The following CENPP variants were observed in gnomAD, a reference collection of about 807,000 sequenced individuals.
CENPP encodes the protein centromere protein P.
In CENPP, 24 loss-of-function variants were observed where a neutral mutation model predicts 35.6. That is an observed-to-expected ratio of 0.67 (90% CI 0.49 to 0.95). The LOEUF is 0.95. Among genes scored for constraint, CENPP ranks in the 40% least tolerant of loss-of-function variants. The probability of loss-of-function intolerance (pLI) is 0.00; values close to 1 mark genes in which losing one functional copy is unlikely to be tolerated. For synonymous variants in CENPP, 120 were observed against 125.5 expected (o/e 0.96, Z 0.29); for missense variants, 332 against 345.3 (o/e 0.96, Z 0.31).
intron 5 of CENPP, among the ~76,000 whole-genome samples, chr9:92,440,763 A>T (rs1375380736): frequency 6.6e-6 from 1 of 152,230 alleles, no homozygotes; most frequent in East Asian, 1.9e-4. Flanking sequence ...ACGTGAACAG[A>T]AATGTGTTTT....
intron 5 of CENPP, among the ~76,000 whole-genome samples, chr9:92,462,885 G>A (rs992545597): frequency 3.3e-5 from 5 of 152,186 alleles, no homozygotes; most frequent in African/African-American, 1.2e-4. Flanking sequence ...AAAAATAGCT[G>A]GTGCAACGTG....
At chr9:92,567,257 G>A (rs571731747) in intron 5 of CENPP, among the ~76,000 whole-genome samples, 3 of 151,744 alleles carry the variant, frequency 2.0e-5, no homozygotes, top group Non-Finnish European at 4.4e-5. Flanking sequence ...AGCTTGTATT[G>A]TAACAACTGT....
At chr9:92,346,276 C>T (rs1841292638) in intron 4 of CENPP, among the ~76,000 whole-genome samples, 1 of 152,088 alleles carries the variant, frequency 6.6e-6, no homozygotes, top group South Asian at 2.1e-4. Context: ...GTCCTCCTGC[C>T]TTAGCCTCCC....
Position 92,619,381 on chromosome 9 carries a change from TG to T in CENPP, c.*6234del. 1.1e-6 allele frequency: 1 copy of T among 883,390 alleles called. No individual in the cohort carries two copies. Among genetic ancestry groups the T allele is most frequent in the Non-Finnish European group, 1.8e-6 (1 of 548,094 alleles). The allele number at this position is 883,390 out of a possible 1,614,324, so 54.7% of individuals were successfully genotyped here. On this transcript the variant is annotated 3_prime_UTR_variant, in exon 8 of 8. Coordinates refer to ENST00000375587, the MANE Select transcript of CENPP (RefSeq NM_001012267.3). ...CCAAGGAAGTTATGTCACTCCGCCA[TG>T]GAGTCTCTAAATATGGGGAAACCAA...
intron 5 of CENPP, chr9:92,496,193 A>G: frequency 7.1e-7 from 1 of 1,407,736 alleles, no homozygotes; most frequent in African/African-American, 1.5e-5. Context: ...TTAGTGAATC[A>G]GGTTGACTAG....
chr9:92,547,653 AG>A (rs148077035), intron 5 of CENPP, among the ~76,000 whole-genome samples: 354 of 152,362 alleles, frequency 2.3e-3, no homozygotes, highest in African/African-American at 8.3e-3. Flanking sequence ...CCTGAAATGA[AG>A]GGGGTAAGAA....
chr9:92,540,461 A>G (rs894783631), intron 5 of CENPP, among the ~76,000 whole-genome samples: 2 of 150,592 alleles, frequency 1.3e-5, no homozygotes, highest in Admixed American at 6.6e-5. Flanking sequence ...ATGAGATCAC[A>G]TATAAAAACA....
At chr9:92,457,274 C>T (rs545140869) in intron 5 of CENPP, 2 of 1,610,276 alleles carry the variant, frequency 1.2e-6, no homozygotes, top group Admixed American at 3.3e-5. Flanking sequence ...ATGGACATTA[C>T]CAATTACTAA....
At chr9:92,542,365 G>A (rs7864575) in intron 5 of CENPP, among the ~76,000 whole-genome samples, 57,551 of 151,920 alleles carry the variant, frequency 0.38, 13,549 homozygotes, top group African/African-American at 0.66. Context: ...CTGTTGTTTC[G>A]TTTACTGTGT....
At chr9:92,567,643 A>G (rs1850028167) in intron 5 of CENPP, among the ~76,000 whole-genome samples, 1 of 152,094 alleles carries the variant, frequency 6.6e-6, no homozygotes, top group Admixed American at 6.6e-5. Flanking sequence ...ACATAATTTA[A>G]GAAACTAATG....
Position 92,615,864 on chromosome 9 carries a change from C to T in CENPP, c.*2715C>T, listed in dbSNP as rs764998921. 1.5e-5 allele frequency: 25 copies of T among 1,613,996 alleles called. No homozygotes were observed. Among genetic ancestry groups the T allele is most frequent in the South Asian group, 1.5e-4 (14 of 91,080 alleles). On this transcript the variant is annotated 3_prime_UTR_variant, in exon 8 of 8. Coordinates refer to ENST00000375587, the MANE Select transcript of CENPP (RefSeq NM_001012267.3). ...TTGTGGAGAACTAATGTGCAATCTT[C>T]GCTTTCCTTGAACCGAGTCGACATC...
intron 5 of CENPP, among the ~76,000 whole-genome samples, chr9:92,595,294 T>C (rs1173263701): frequency 6.6e-6 from 1 of 152,180 alleles, no homozygotes; most frequent in East Asian, 1.9e-4. Flanking sequence ...CAGGCTAGAG[T>C]GCATTGGCAC....
chr9:92,372,099 C>CTTTTTTTTTTTTTTTTTTTTT lies in CENPP; in HGVS notation c.468-7652_468-7632dup, dbSNP rs71362382. Among the ~76,000 whole-genome samples the CTTTTTTTTTTTTTTTTTTTTT allele has an allele frequency of 1.2e-3, 38 of 30,684 alleles. 1 individual carries two copies. Among genetic ancestry groups the CTTTTTTTTTTTTTTTTTTTTT allele is most frequent in the East Asian group, 4.7e-3 (3 of 642 alleles). The allele number at this position is 30,684 out of a possible 152,430, so 20.1% of individuals were successfully genotyped here. The stretch of plus-strand genomic sequence containing the variant: ...AGGTGTAAGCCACCATGCCAGCCAT[C>CTTTTTTTTTTTTTTTTTTTTT]TTTTTTTTTTTTTTTTTTTTTTTTT... On this transcript the variant is annotated intron_variant, in intron 4 of 7. Transcript: ENST00000375587.
chr9:92,474,678 T>C (rs756130551), intron 5 of CENPP: 3 of 1,613,804 alleles, frequency 1.9e-6, no homozygotes, highest in East Asian at 4.5e-5. Flanking sequence ...AATGGACACA[T>C]TGGAAACAGA....
intron 5 of CENPP, among the ~76,000 whole-genome samples, chr9:92,434,072 T>C (rs1008907576): frequency 1.3e-5 from 2 of 151,976 alleles, no homozygotes; most frequent in African/African-American, 4.8e-5. Flanking sequence ...TATACAAAAA[T>C]CCATTTTATT....
intron 3 of CENPP, chr9:92,340,154 A>G (rs370001586): frequency 2.0e-5 from 3 of 153,478 alleles, no homozygotes; most frequent in African/African-American, 7.2e-5. Context: ...TCTCTTTCAC[A>G]GTTGCCTCAT....
intron 3 of CENPP, chr9:92,340,077 A>G (rs1436910046): frequency 1.3e-5 from 2 of 153,778 alleles, no homozygotes; most frequent in Non-Finnish European, 2.9e-5. Context: ...ATATATGTCC[A>G]GGAAACTGCT....
chr9:92,545,241 G>A (rs1171828347), intron 5 of CENPP, among the ~76,000 whole-genome samples: 5 of 152,140 alleles, frequency 3.3e-5, no homozygotes, highest in African/African-American at 4.8e-5. Flanking sequence ...GGCCGAGGCC[G>A]GAGCCGCTCA....
chr9:92,543,508 T>G (rs1849362724), intron 5 of CENPP, among the ~76,000 whole-genome samples: 1 of 148,966 alleles, frequency 6.7e-6, no homozygotes, highest in South Asian at 2.1e-4. Flanking sequence ...AAAGATTGCA[T>G]TAGCTATTCA....
Sources: allele counts gnomAD v4.1 joint callset (sites outside exome capture counted in the v4.1 genomes callset), GRCh38; gene constraint gnomAD v4.1.1; transcripts MANE v1.5; gene names NCBI Gene and HGNC (gene_info 2026-07-23, HGNC 2026-07-21).